The following CDYL variants were observed in gnomAD, a reference collection of about 807,000 sequenced individuals.
CDYL encodes the protein chromodomain Y-like protein.
In CDYL, 8 loss-of-function variants were observed where a neutral mutation model predicts 47.3. The ratio of observed to expected loss-of-function variants is 0.17; its 90% CI spans 0.10 to 0.31. CDYL has a LOEUF of 0.31. Ranked by LOEUF, CDYL falls within the 10% of genes least tolerant of loss-of-function variation. CDYL has a pLI of 1.00. For missense variants in CDYL, 471 were observed against 701.4 expected, an observed-to-expected ratio of 0.67 and a Z score of 3.71; for synonymous variants, 266 against 265.0, an observed-to-expected ratio of 1.00 and a Z score of -0.04.
intron 2 of CDYL, among the ~76,000 whole-genome samples, chr6:4,899,831 G>A (rs1581248583): frequency 6.6e-6 from 1 of 152,172 alleles, no homozygotes; most frequent in Non-Finnish European, 1.5e-5. Flanking sequence ...TATCCCGAGG[G>A]GAAGAGTCAC....
At chr6:4,930,569 T>C (rs545658140) in intron 2 of CDYL, among the ~76,000 whole-genome samples, 8 of 152,252 alleles carry the variant, frequency 5.3e-5, no homozygotes, top group African/African-American at 1.9e-4. Flanking sequence ...CTGCAAACAG[T>C]TGTTATGTCT....
intron 1 of CDYL, among the ~76,000 whole-genome samples, chr6:4,804,742 C>G (rs554566563): frequency 9.0e-4 from 137 of 152,314 alleles, no homozygotes; most frequent in African/African-American, 3.1e-3. Flanking sequence ...TACTCATGAC[C>G]AGTGGTGGAA....
At chr6:4,899,625 G>A (rs546681139) in intron 2 of CDYL, among the ~76,000 whole-genome samples, 24 of 152,288 alleles carry the variant, frequency 1.6e-4, no homozygotes, top group Admixed American at 5.2e-4. Flanking sequence ...TCCTGGTACG[G>A]GAAAGTGGGA....
At chr6:4,746,903 TG>T (rs1757908457) in intron 3 of CDYL, among the ~76,000 whole-genome samples, 1 of 152,120 alleles carries the variant, frequency 6.6e-6, no homozygotes, top group African/African-American at 2.4e-5. Flanking sequence ...CATCTACTCT[TG>T]GGGGTCCTGC....
chr6:4,920,995 CTGTGTG>C (rs112009340), intron 2 of CDYL, among the ~76,000 whole-genome samples: 1 of 150,676 alleles, frequency 6.6e-6, no homozygotes, highest in South Asian at 2.1e-4. Flanking sequence ...CATGATACAT[CTGTGTG>C]TGTGTGTGTG....
At chr6:4,852,377 CCTTCCTAT>C (rs1381436215) in intron 1 of CDYL, among the ~76,000 whole-genome samples, 1 of 144,666 alleles carries the variant, frequency 6.9e-6, no homozygotes, top group African/African-American at 2.7e-5. Flanking sequence ...CTTCCTCCTT[CCTTCCTAT>C]CTTCCTTCCT....
At position 4,841,398 on chromosome 6, in the gene CDYL, G is replaced by A. The variant is rs1023491808; in HGVS notation, c.25-50315G>A. 3.9e-5 allele frequency among the ~76,000 whole-genome samples: 6 copies of A among 152,096 alleles called. No individual in the cohort carries two copies. In the South Asian group the frequency reaches 1.0e-3, roughly 26 times the overall value. On this transcript the variant is annotated intron_variant, in intron 1 of 6. Transcript: ENST00000397588. ...TTATTTTTTGTTGGAATTTCATTTAGTTCTGTTTTGATCTTTGTTATTTCT... is the reference window on the plus strand; with the variant it reads ...TTATTTTTTGTTGGAATTTCATTTAATTCTGTTTTGATCTTTGTTATTTCT...
At chr6:4,937,524 C>A in intron 3 of CDYL, 41 bp from the exon 4 acceptor site, 6 of 1,466,602 alleles carry the variant, frequency 4.1e-6, no homozygotes, top group Non-Finnish European at 5.4e-6. Flanking sequence ...GATTTTAAAC[C>A]CAAAATATTC....
chr6:4,708,615 G>A (rs777405075), intron 1 of CDYL, among the ~76,000 whole-genome samples: 1 of 152,056 alleles, frequency 6.6e-6, no homozygotes, highest in Non-Finnish European at 1.5e-5. Flanking sequence ...ATTTTATACT[G>A]TTCCTTAAAC....
At chr6:4,709,146 A>G (rs1445346546) in intron 1 of CDYL, among the ~76,000 whole-genome samples, 1 of 152,092 alleles carries the variant, frequency 6.6e-6, no homozygotes, top group East Asian at 1.9e-4. Flanking sequence ...CATGCTTCTT[A>G]GGGATAAGGC....
At chr6:4,738,460 T>G (rs1757741052) in intron 3 of CDYL, among the ~76,000 whole-genome samples, 2 of 152,126 alleles carry the variant, frequency 1.3e-5, no homozygotes, top group Admixed American at 1.3e-4. Flanking sequence ...TGCAAATAAA[T>G]CCACATTTCA....
At chr6:4,777,316 G>A (rs76149946) in intron 1 of CDYL, among the ~76,000 whole-genome samples, 1 of 152,144 alleles carries the variant, frequency 6.6e-6, no homozygotes, top group Non-Finnish European at 1.5e-5. Flanking sequence ...AATGCTAAAC[G>A]TTGACCACAT....
At chr6:4,902,119 C>T (rs1757075656) in intron 2 of CDYL, among the ~76,000 whole-genome samples, 1 of 152,062 alleles carries the variant, frequency 6.6e-6, no homozygotes, top group Non-Finnish European at 1.5e-5. Context: ...GCAATAGAGG[C>T]CGGGTGCAGT....
intron 1 of CDYL, chr6:4,890,268 A>G (rs971161041): frequency 3.1e-5 from 19 of 617,184 alleles, no homozygotes; most frequent in Non-Finnish European, 3.8e-5. Context: ...TATGTCTTTT[A>G]CTTAAATTGA....
rs558325263 is a variant in CDYL at position 4,944,318 on chromosome 6, G to T, written c.1332+562G>T. ...GCAGACACTGAGATGAGTTTGGCAC[G>T]TGGAGAATTAGCAGGTAGTCAGTAC... On this transcript the variant is annotated intron_variant, in intron 5 of 6. Coordinates refer to ENST00000397588, the MANE Select transcript of CDYL (RefSeq NM_004824.4). Among the ~76,000 whole-genome samples the T allele has an allele frequency of 6.4e-4, 97 of 152,340 alleles. No homozygotes were observed. The South Asian group carries it at 9.3e-3, about 15-fold the overall frequency.
chr6:4,783,012 C>T (rs62386569), intron 1 of CDYL, among the ~76,000 whole-genome samples: 2,037 of 152,264 alleles, frequency 0.013, 18 homozygotes, highest in Non-Finnish European at 0.017. Context: ...TCCTTGAACC[C>T]TGGTGCATTC....
intron 2 of CDYL, 38 bp from the exon 3 acceptor site, chr6:4,935,477 G>C: frequency 6.4e-7 from 1 of 1,562,488 alleles, no homozygotes; most frequent in South Asian, 1.1e-5. Flanking sequence ...ACTGGTGGTG[G>C]GACATCACAG....
At chr6:4,916,437 A>G (rs915499832) in intron 2 of CDYL, among the ~76,000 whole-genome samples, 1 of 152,270 alleles carries the variant, frequency 6.6e-6, no homozygotes, top group Non-Finnish European at 1.5e-5. Flanking sequence ...TCATGAGATG[A>G]GAAACTCTCG....
chr6:4,767,549 G>A (rs1758274447), intron 3 of CDYL, among the ~76,000 whole-genome samples: 1 of 152,094 alleles, frequency 6.6e-6, no homozygotes, highest in Admixed American at 6.5e-5. Context: ...CTCCAGCCTG[G>A]GTGACAGAGT....
Sources: allele counts gnomAD v4.1 joint callset (sites outside exome capture counted in the v4.1 genomes callset), GRCh38; gene constraint gnomAD v4.1.1; transcripts MANE v1.5; gene names NCBI Gene and HGNC (gene_info 2026-07-23, HGNC 2026-07-21).